The following ADAMTS3 variants were observed in gnomAD, a reference collection of about 807,000 sequenced individuals.
The protein encoded by ADAMTS3 is A disintegrin and metalloproteinase with thrombospondin motifs 3.
ADAMTS3 carries 73 observed loss-of-function variants against 129.0 expected under a neutral mutation model. The ratio of observed to expected loss-of-function variants is 0.57; its 90% CI spans 0.47 to 0.69. The LOEUF (loss-of-function observed/expected upper bound fraction) is 0.69. Ranked by LOEUF, ADAMTS3 falls within the 30% of genes least tolerant of loss-of-function variation. The pLI, the probability that ADAMTS3 is intolerant of heterozygous loss-of-function variation, is 0.00. For missense variants in ADAMTS3, 1,457 were observed against 1,514.5 expected (o/e 0.96, Z 0.63); for synonymous variants, 477 against 510.8 (o/e 0.93, Z 0.89).
intron 4 of ADAMTS3, among the ~76,000 whole-genome samples, chr4:72,410,190 G>T (rs753566880): frequency 1.6e-4 from 25 of 152,114 alleles, no homozygotes; most frequent in Admixed American, 3.3e-4. Flanking sequence ...AGGGCTCTGG[G>T]CCTAGGAAGT....
intron 5 of ADAMTS3, among the ~76,000 whole-genome samples, chr4:72,334,675 T>C (rs978759043): frequency 6.6e-6 from 1 of 152,170 alleles, no homozygotes; most frequent in African/African-American, 2.4e-5. Context: ...TCAGTATTTA[T>C]AGTATGAGAC....
intron 4 of ADAMTS3, among the ~76,000 whole-genome samples, chr4:72,395,492 G>T (rs974518000): frequency 5.9e-5 from 9 of 152,090 alleles, no homozygotes; most frequent in African/African-American, 2.2e-4. Context: ...AGATAAAATA[G>T]ATAAACTATG....
intron 3 of ADAMTS3, among the ~76,000 whole-genome samples, chr4:72,457,486 A>T (rs1718655987): frequency 6.6e-6 from 1 of 151,630 alleles, no homozygotes; most frequent in Non-Finnish European, 1.5e-5. Flanking sequence ...CTGTAAATAG[A>T]AGTGGTCGTT....
At position 72,397,894 on chromosome 4, in the gene ADAMTS3, T is replaced by C. The variant is rs543611193; in HGVS notation, c.661+16921A>G. On this transcript the variant is annotated intron_variant, in intron 4 of 21. Transcript: ENST00000286657. ...GATATTCAGTGAACATACCTGAAGCTACAAAAAGAGCATCCCTTGTAAACT... is the reference window on the plus strand; with the variant it reads ...GATATTCAGTGAACATACCTGAAGCCACAAAAAGAGCATCCCTTGTAAACT... Among the ~76,000 whole-genome samples the C allele has an allele frequency of 5.3e-5, 8 of 152,072 alleles. No individual in the cohort carries two copies. In the South Asian group the frequency reaches 1.7e-3, roughly 32 times the overall value.
At chr4:72,401,524 G>A (rs139168927) in intron 4 of ADAMTS3, among the ~76,000 whole-genome samples, 2,448 of 117,962 alleles carry the variant, frequency 0.021, 38 homozygotes, top group Middle Eastern at 0.078. Context: ...CTGAGATCGC[G>A]CCACTGCACT....
At chr4:72,352,116 T>C (rs1202267798) in intron 4 of ADAMTS3, among the ~76,000 whole-genome samples, 1 of 151,984 alleles carries the variant, frequency 6.6e-6, no homozygotes, top group Non-Finnish European at 1.5e-5. Context: ...ATGTTTTTAG[T>C]CCAAGAAACC....
chr4:72,507,657 G>C (rs561349132), intron 3 of ADAMTS3, among the ~76,000 whole-genome samples: 41 of 152,230 alleles, frequency 2.7e-4, no homozygotes, highest in African/African-American at 9.6e-4. Context: ...AACACACCTT[G>C]TTTCGGTACA....
At chr4:72,470,958 G>A (rs773364798) in intron 3 of ADAMTS3, among the ~76,000 whole-genome samples, 4 of 151,946 alleles carry the variant, frequency 2.6e-5, no homozygotes, top group African/African-American at 9.7e-5. Flanking sequence ...CACTTCTATC[G>A]CATACCAAAC....
Position 72,315,851 on chromosome 4 carries a change from T to G in ADAMTS3, c.1599+7A>C. The stretch of plus-strand genomic sequence containing the variant: ...TACATATTTATTGTGTAAATAGATA[T>G]ACTCACTTTTCCAGCAGCACATTCA... On this transcript the variant is annotated splice_region_variant and intron_variant, in intron 11 of 21. Transcript: ENST00000286657. The G allele has an allele frequency of 6.5e-7, 1 of 1,530,002 alleles. No homozygotes were observed. The highest frequency in any genetic ancestry group is 1.4e-5 in the African/African-American group (1 of 72,938). 94.8% of individuals were successfully genotyped at this position (1,530,002 alleles called of 1,614,324 possible).
intron 3 of ADAMTS3, among the ~76,000 whole-genome samples, chr4:72,456,697 C>T (rs1718630119): frequency 6.6e-6 from 1 of 151,462 alleles, no homozygotes; most frequent in Non-Finnish European, 1.5e-5. Context: ...CCTACCTTTC[C>T]CCTAAGCTAA....
chr4:72,533,496 C>A (rs1382494938), intron 3 of ADAMTS3, among the ~76,000 whole-genome samples: 1 of 149,206 alleles, frequency 6.7e-6, no homozygotes, highest in Non-Finnish European at 1.5e-5. Context: ...AAGTGTAGAA[C>A]AGTAAATAAA....
chr4:72,486,793 GCATGGACAGAA>G (rs1173587494), intron 3 of ADAMTS3, among the ~76,000 whole-genome samples: 1 of 152,184 alleles, frequency 6.6e-6, no homozygotes, highest in Non-Finnish European at 1.5e-5. Context: ...CAGAGTGCCA[GCATGGACAGAA>G]TACTGCACCT....
chr4:72,310,695 C>T (rs1448005502), intron 14 of ADAMTS3, among the ~76,000 whole-genome samples: 1 of 152,040 alleles, frequency 6.6e-6, no homozygotes, highest in Non-Finnish European at 1.5e-5. Context: ...ATACTTAGCA[C>T]TGATTATTTT....
chr4:72,517,591 C>A (rs1301080656), intron 3 of ADAMTS3, among the ~76,000 whole-genome samples: 1 of 152,166 alleles, frequency 6.6e-6, no homozygotes, highest in Non-Finnish European at 1.5e-5. Flanking sequence ...AGGAATTTAT[C>A]CATTTCTTCT....
intron 3 of ADAMTS3, among the ~76,000 whole-genome samples, chr4:72,521,689 A>G (rs1405351788): frequency 2.0e-5 from 3 of 152,150 alleles, no homozygotes; most frequent in African/African-American, 4.8e-5. Context: ...AATAGTGTAC[A>G]TTACCTCCAG....
chr4:72,479,691 A>G (rs1464822290), intron 3 of ADAMTS3, among the ~76,000 whole-genome samples: 1 of 152,196 alleles, frequency 6.6e-6, no homozygotes, highest in Non-Finnish European at 1.5e-5. Context: ...AAAATTAACA[A>G]ATGGGATCTC....
intron 3 of ADAMTS3, among the ~76,000 whole-genome samples, chr4:72,455,784 T>TTA (rs374579698): frequency 0.011 from 1,487 of 133,946 alleles, 24 homozygotes; most frequent in African/African-American, 0.035. Flanking sequence ...TTGTAACTAC[T>TTA]TATATATATA....
At chr4:72,528,556 T>C (rs1024169225) in intron 3 of ADAMTS3, among the ~76,000 whole-genome samples, 1 of 151,184 alleles carries the variant, frequency 6.6e-6, no homozygotes, top group African/African-American at 2.4e-5. Context: ...CTGCTTCTCC[T>C]TCACTAGCTT....
intron 5 of ADAMTS3, 52 bp downstream of exon 5, chr4:72,339,442 A>G: frequency 1.3e-6 from 2 of 1,577,272 alleles, no homozygotes; most frequent in South Asian, 2.2e-5. Context: ...ACCAACAAAT[A>G]AGAGAAGTGA....
Sources: gnomAD v4.1 joint callset for allele counts (sites outside exome capture counted in the v4.1 genomes callset) on GRCh38, gnomAD v4.1.1 for gene constraint, MANE v1.5 for transcripts, NCBI Gene and HGNC (gene_info 2026-07-23, HGNC 2026-07-21) for gene names.